NHEJ1: variants seen among roughly 807,000 people sequenced by gnomAD.
The protein encoded by NHEJ1 is non-homologous end joining factor 1, also known as non-homologous end-joining factor 1.
In NHEJ1, 22 loss-of-function variants were observed where a neutral mutation model predicts 39.4. The ratio of observed to expected loss-of-function variants is 0.56; its 90% CI spans 0.40 to 0.80. The LOEUF (loss-of-function observed/expected upper bound fraction) is 0.80. Ranked by LOEUF, NHEJ1 falls within the 30% of genes least tolerant of loss-of-function variation. The pLI, the probability that NHEJ1 is intolerant of heterozygous loss-of-function variation, is 0.00. For synonymous variants in NHEJ1, 154 were observed against 135.6 expected (o/e 1.14, Z -0.94); for missense variants, 329 against 357.1 (o/e 0.92, Z 0.63).
At chr2:219,099,619 T>G (rs1451879538) in intron 5 of NHEJ1, among the ~76,000 whole-genome samples, 1 of 152,098 alleles carries the variant, frequency 6.6e-6, no homozygotes, top group East Asian at 1.9e-4. Flanking sequence ...CTGGGCTTTT[T>G]AAAGAAGAGG....
intron 5 of NHEJ1, among the ~76,000 whole-genome samples, chr2:219,118,583 C>T (rs922303519): frequency 2.0e-5 from 3 of 152,120 alleles, no homozygotes; most frequent in African/African-American, 7.2e-5. Flanking sequence ...GGGTGAAACA[C>T]GCCTCTGTGA....
chr2:219,115,300 TA>T (rs1279827325), intron 5 of NHEJ1, among the ~76,000 whole-genome samples: 1 of 152,142 alleles, frequency 6.6e-6, no homozygotes, highest in Non-Finnish European at 1.5e-5. Context: ...AATTAGGGCC[TA>T]ATTAGAAAGA....
intron 5 of NHEJ1, among the ~76,000 whole-genome samples, chr2:219,091,506 C>T (rs558654230): frequency 9.7e-4 from 148 of 152,236 alleles, no homozygotes; most frequent in Admixed American, 1.9e-3. Context: ...GATGAAATGA[C>T]TGAACTGGAA....
At chr2:219,155,582 T>G (rs1949845951) in intron 3 of NHEJ1, among the ~76,000 whole-genome samples, 1 of 152,130 alleles carries the variant, frequency 6.6e-6, no homozygotes, top group African/African-American at 2.4e-5. Context: ...AATGAATAAG[T>G]AATTCTCTCA....
intron 5 of NHEJ1, among the ~76,000 whole-genome samples, chr2:219,083,470 A>AG (rs951351240): frequency 7.1e-5 from 5 of 70,826 alleles, no homozygotes; most frequent in African/African-American, 2.0e-4. Flanking sequence ...AAAAATTACT[A>AG]GAAAAAAAAA....
chr2:219,073,204 T>C lies in NHEJ1; in HGVS notation c.*3177A>G, dbSNP rs866225310. Among the ~76,000 whole-genome samples, 5 of 152,140 alleles carry C rather than the reference T, an allele frequency of 3.3e-5. No individual in the cohort carries two copies. The highest frequency in any genetic ancestry group is 5.9e-5 in the Non-Finnish European group (4 of 68,028). The stretch of plus-strand genomic sequence containing the variant: ...GCTAGACTCTTTCCAGTTCAGAGCA[T>C]AGAAGCACAGATCTCACTCTTCGCC... On this transcript the variant is annotated 3_prime_UTR_variant, in exon 8 of 8. Transcript: ENST00000356853.
At chr2:219,098,218 G>C (rs571865736) in intron 5 of NHEJ1, among the ~76,000 whole-genome samples, 9 of 152,326 alleles carry the variant, frequency 5.9e-5, no homozygotes, top group African/African-American at 2.2e-4. Flanking sequence ...AGGAAGGTAA[G>C]ATCACAGTAA....
At position 219,076,117 on chromosome 2, in the gene NHEJ1, TA is replaced by T; in HGVS notation, c.*263del. ...TTCTTGCTGACTTGCCCTATATACC[TA>T]AAGTCCATGGTAGAAACCTGAACCT... On this transcript the variant is annotated 3_prime_UTR_variant, in exon 8 of 8. Coordinates refer to ENST00000356853, the MANE Select transcript of NHEJ1 (RefSeq NM_024782.3). The T allele has an allele frequency of 1.5e-6, 1 of 671,012 alleles. No individual in the cohort carries two copies. Among genetic ancestry groups the T allele is most frequent in the Non-Finnish European group, 2.5e-6 (1 of 406,564 alleles). The allele number at this position is 671,012 out of a possible 1,614,324, so 41.6% of individuals were successfully genotyped here.
chr2:219,091,461 G>C (rs1028353684), intron 5 of NHEJ1, among the ~76,000 whole-genome samples: 3 of 152,052 alleles, frequency 2.0e-5, no homozygotes, highest in Non-Finnish European at 2.9e-5. Context: ...AGGGCATGGG[G>C]ATAGGGAGGC....
intron 4 of NHEJ1, 36 bp from the exon 5 acceptor site, chr2:219,146,774 T>A (rs1042992324): frequency 3.4e-5 from 50 of 1,489,832 alleles, no homozygotes; most frequent in Non-Finnish European, 4.4e-5. Context: ...GAAATATGAG[T>A]CATACAGGAT....
At chr2:219,159,531 A>ATCC (rs1949895564) in intron 1 of NHEJ1, among the ~76,000 whole-genome samples, 1 of 92,636 alleles carries the variant, frequency 1.1e-5, no homozygotes, top group Non-Finnish European at 2.0e-5. Context: ...ATATGCATAT[A>ATCC]TATATGCATA....
At chr2:219,077,005 A>G (rs910624105) in intron 7 of NHEJ1, among the ~76,000 whole-genome samples, 3 of 152,230 alleles carry the variant, frequency 2.0e-5, no homozygotes, top group African/African-American at 7.2e-5. Flanking sequence ...CGGAAGTGGG[A>G]TAAGGTGAAA....
intron 5 of NHEJ1, among the ~76,000 whole-genome samples, chr2:219,083,813 C>G (rs1949087877): frequency 2.6e-5 from 4 of 152,110 alleles, no homozygotes; most frequent in Admixed American, 1.3e-4. Flanking sequence ...TCAAGAAGTG[C>G]CCTAATGATA....
rs368706049 is a variant in NHEJ1 at position 219,111,628 on chromosome 2, G to GAC, written c.589-33424_589-33423dup. 0.14 allele frequency among the ~76,000 whole-genome samples: 19,434 copies of GAC among 138,288 alleles called. 1,429 individuals are homozygous for GAC. Among genetic ancestry groups the GAC allele is most frequent in the Middle Eastern group, 0.28 (79 of 278 alleles). 90.7% of individuals were successfully genotyped at this position (138,288 alleles called of 152,430 possible). A position where few individuals can be genotyped will look rare whatever the true frequency, so the allele number is the denominator to read the frequency against. On this transcript the variant is annotated intron_variant, in intron 5 of 7. Coordinates refer to ENST00000356853, the MANE Select transcript of NHEJ1 (RefSeq NM_024782.3). The surrounding 1 kb of genome is among the most constrained non-coding windows in gnomAD (Gnocchi z 4.1). ...GAATTAAGTCTACAGTGTGAATACAGACACACACACACACACACACACACA... is the reference window on the plus strand; with the variant it reads ...GAATTAAGTCTACAGTGTGAATACAGACACACACACACACACACACACACACA...
At chr2:219,153,145 T>C (rs915490108) in intron 3 of NHEJ1, among the ~76,000 whole-genome samples, 3 of 152,180 alleles carry the variant, frequency 2.0e-5, no homozygotes, top group African/African-American at 4.8e-5. Context: ...GTTGAAATAT[T>C]TGCCCTCACA....
chr2:219,116,516 C>T (rs1949418051), intron 5 of NHEJ1, among the ~76,000 whole-genome samples: 1 of 152,104 alleles, frequency 6.6e-6, no homozygotes, highest in Non-Finnish European at 1.5e-5. Context: ...ACCACCACAC[C>T]TGGCTAATTT....
chr2:219,142,199 A>G (rs1420461193), intron 5 of NHEJ1, among the ~76,000 whole-genome samples: 2 of 144,618 alleles, frequency 1.4e-5, no homozygotes, highest in Admixed American at 7.1e-5. Flanking sequence ...CAGCAGTAAG[A>G]ACGACTGCAG....
At chr2:219,080,530 AAAAT>A (rs1293191362) in intron 5 of NHEJ1, among the ~76,000 whole-genome samples, 1 of 138,012 alleles carries the variant, frequency 7.2e-6, no homozygotes, top group Non-Finnish European at 1.6e-5. Context: ...GTCTTAAAAA[AAAAT>A]AAATAAATAA....
At chr2:219,152,244 T>C (rs1459617022) in intron 3 of NHEJ1, among the ~76,000 whole-genome samples, 1 of 152,174 alleles carries the variant, frequency 6.6e-6, no homozygotes, top group Non-Finnish European at 1.5e-5. Flanking sequence ...GTTGCTAATC[T>C]TTTTCCGAGG....
Sources: gnomAD v4.1 joint callset for allele counts (sites outside exome capture counted in the v4.1 genomes callset) on GRCh38, gnomAD v4.1.1 for gene constraint, Gnocchi (gnomAD v3.1) non-coding constraint, MANE v1.5 for transcripts, NCBI Gene and HGNC (gene_info 2026-07-23, HGNC 2026-07-21) for gene names.